Variants in XYLT1 observed in about 807,000 individuals in gnomAD.
XYLT1 encodes xylosyltransferase 1.
Under a neutral mutation model 91.3 loss-of-function variants are expected in XYLT1, and 36 were observed. The ratio of observed to expected loss-of-function variants is 0.39; its 90% CI spans 0.30 to 0.52. The LOEUF (loss-of-function observed/expected upper bound fraction) is 0.52. XYLT1 is among the 20% of genes least tolerant of loss of function. The pLI is 0.68. For synonymous variants in XYLT1, 588 were observed against 532.0 expected (o/e 1.11, Z -1.45); for missense variants, 1,242 against 1,284.5 (o/e 0.97, Z 0.51).
chr16:17,231,138 C>A (rs536627329), intron 3 of XYLT1, among the ~76,000 whole-genome samples: 1 of 152,322 alleles, frequency 6.6e-6, no homozygotes, highest in East Asian at 1.9e-4. Context: ...TGTGCATTTG[C>A]CCTTGAAAGG....
chr16:17,366,516 G>A (rs916827352), intron 1 of XYLT1, among the ~76,000 whole-genome samples: 1 of 152,164 alleles, frequency 6.6e-6, no homozygotes, highest in African/African-American at 2.4e-5. Flanking sequence ...CCAATATGGT[G>A]AAACCCCATC....
At position 17,166,677 on chromosome 16, in the gene XYLT1, ATT is replaced by A. The variant is rs34758469; in HGVS notation, c.1290-7770_1290-7769del. On this transcript the variant is annotated intron_variant, in intron 5 of 11. Coordinates refer to ENST00000261381, the MANE Select transcript of XYLT1 (RefSeq NM_022166.4). ...TAGGCGTGCACCACAATGTCCAGCT[ATT>A]TTTTTTTTTTTTTGGTATTTTTAGT... Among the ~76,000 whole-genome samples, 212 of 144,072 alleles carry A rather than the reference ATT, an allele frequency of 1.5e-3. 1 individual carries two copies. Among genetic ancestry groups the A allele is most frequent in the East Asian group, 3.8e-3 (18 of 4,796 alleles). The allele number at this position is 144,072 out of a possible 152,430, so 94.5% of individuals were successfully genotyped here.
At chr16:17,256,208 C>T (rs1187659078) in intron 3 of XYLT1, among the ~76,000 whole-genome samples, 1 of 152,098 alleles carries the variant, frequency 6.6e-6, no homozygotes, top group African/African-American at 2.4e-5. Context: ...AGGTGGCCAC[C>T]TCCTATTTGA....
chr16:17,271,264 T>C (rs570485472), intron 2 of XYLT1, among the ~76,000 whole-genome samples: 22 of 152,070 alleles, frequency 1.4e-4, no homozygotes, highest in Admixed American at 6.5e-4. Context: ...ATTGCGTTAT[T>C]CCACAGTTAT....
At chr16:17,298,972 T>C (rs1289571768) in intron 2 of XYLT1, among the ~76,000 whole-genome samples, 2 of 152,134 alleles carry the variant, frequency 1.3e-5, no homozygotes, top group Non-Finnish European at 2.9e-5. Flanking sequence ...ATCTACAATG[T>C]CTATTATTAA....
chr16:17,401,444 A>G (rs1442066425), intron 1 of XYLT1, among the ~76,000 whole-genome samples: 5 of 152,226 alleles, frequency 3.3e-5, no homozygotes, highest in Admixed American at 1.3e-4. Flanking sequence ...AGAACTGGCC[A>G]GGGCAACTTT....
intron 5 of XYLT1, among the ~76,000 whole-genome samples, chr16:17,192,654 T>C (rs7190797): frequency 0.54 from 81,761 of 152,004 alleles, 23,877 homozygotes; most frequent in African/African-American, 0.75. Flanking sequence ...TGGACCAGGA[T>C]GTCATGTCAA....
At chr16:17,317,265 C>G (rs2034649752) in intron 2 of XYLT1, among the ~76,000 whole-genome samples, 2 of 152,124 alleles carry the variant, frequency 1.3e-5, no homozygotes, top group Non-Finnish European at 2.9e-5. Context: ...AGAGGTGAGG[C>G]AACCTTTGAC....
At chr16:17,118,620 G>T (rs866285577) in intron 10 of XYLT1, among the ~76,000 whole-genome samples, 2 of 152,088 alleles carry the variant, frequency 1.3e-5, no homozygotes, top group South Asian at 2.1e-4. Context: ...CCAGCTGGGG[G>T]TGTGTGCAGC....
At chr16:17,309,956 G>C (rs1228688049) in intron 2 of XYLT1, among the ~76,000 whole-genome samples, 1 of 152,068 alleles carries the variant, frequency 6.6e-6, no homozygotes, top group Non-Finnish European at 1.5e-5. Flanking sequence ...GGGGTGGCAG[G>C]GAAGAGATGC....
intron 2 of XYLT1, among the ~76,000 whole-genome samples, chr16:17,272,157 T>G (rs1189787604): frequency 1.5e-5 from 2 of 132,776 alleles, no homozygotes; most frequent in African/African-American, 5.8e-5. Context: ...TTGTTGGTTT[T>G]TTTTTTTTTT....
intron 5 of XYLT1, among the ~76,000 whole-genome samples, chr16:17,173,788 C>T (rs1216473378): frequency 1.3e-5 from 2 of 152,236 alleles, no homozygotes; most frequent in East Asian, 1.9e-4. Flanking sequence ...TAAAGATCAT[C>T]TCTACTCCTT....
intron 2 of XYLT1, among the ~76,000 whole-genome samples, chr16:17,303,998 CGTGT>C (rs140606021): frequency 4.9e-4 from 74 of 150,114 alleles, no homozygotes; most frequent in African/African-American, 1.6e-3. Flanking sequence ...TATACATGTG[CGTGT>C]GTGTGTGTGT....
chr16:17,257,126 A>C (rs1056594783), intron 3 of XYLT1, among the ~76,000 whole-genome samples: 2 of 152,212 alleles, frequency 1.3e-5, no homozygotes, highest in Admixed American at 1.3e-4. Flanking sequence ...ACAAGGGGGT[A>C]CTGTGAACCT....
intron 3 of XYLT1, among the ~76,000 whole-genome samples, chr16:17,230,095 C>T (rs529020929): frequency 7.2e-5 from 11 of 152,332 alleles, no homozygotes; most frequent in African/African-American, 2.6e-4. Context: ...TAGAACCAAC[C>T]AACCCTGCTC....
chr16:17,130,061 T>C (rs1378038164), intron 9 of XYLT1, among the ~76,000 whole-genome samples: 1 of 152,242 alleles, frequency 6.6e-6, no homozygotes, highest in Non-Finnish European at 1.5e-5. Flanking sequence ...CATGAGAGCA[T>C]GCCTGGGCTA....
chr16:17,184,511 G>A (rs184486350), intron 5 of XYLT1, among the ~76,000 whole-genome samples: 2 of 150,202 alleles, frequency 1.3e-5, no homozygotes, highest in African/African-American at 5.0e-5. Flanking sequence ...CCATGGCATC[G>A]ATGTAAGGTT....
At chr16:17,384,507 CTG>C (rs2141886473) in intron 1 of XYLT1, among the ~76,000 whole-genome samples, 1 of 152,018 alleles carries the variant, frequency 6.6e-6, no homozygotes, top group African/African-American at 2.4e-5. Context: ...CTCAGGAAGA[CTG>C]TGCATTCAAA....
chr16:17,146,817 T>C (rs1428588793), intron 6 of XYLT1, among the ~76,000 whole-genome samples: 5 of 152,154 alleles, frequency 3.3e-5, no homozygotes. Context: ...CAGAGAAGAC[T>C]GGCAACTTTT....
Sources: allele counts gnomAD v4.1 joint callset (sites outside exome capture counted in the v4.1 genomes callset), GRCh38; gene constraint gnomAD v4.1.1; transcripts MANE v1.5; gene names NCBI Gene and HGNC (gene_info 2026-07-23, HGNC 2026-07-21).